The following FGF12 variants were observed in gnomAD, a reference collection of about 807,000 sequenced individuals.
FGF12 encodes the protein fibroblast growth factor 12B.
A neutral mutation model predicts 23.6 loss-of-function variants in FGF12; 14 were observed. That is an observed-to-expected ratio of 0.59 (90% confidence interval 0.39 to 0.93). FGF12 has a LOEUF of 0.93. FGF12 is among the 40% of genes least tolerant of loss of function. The probability of loss-of-function intolerance (pLI) is 0.00; values close to 1 mark genes in which losing one functional copy is unlikely to be tolerated. For synonymous variants in FGF12, 62 were observed against 77.3 expected, an observed-to-expected ratio of 0.80 and a Z score of 1.04; for missense variants, 175 against 217.8, an observed-to-expected ratio of 0.80 and a Z score of 1.24.
chr3:192,620,679 T>A (rs1315876734), intron 2 of FGF12, among the ~76,000 whole-genome samples: 1 of 152,162 alleles, frequency 6.6e-6, no homozygotes, highest in Non-Finnish European at 1.5e-5. Flanking sequence ...CTTTATGAGG[T>A]CTATTTGGTT....
intron 2 of FGF12, among the ~76,000 whole-genome samples, chr3:192,403,856 T>C (rs1224694609): frequency 1.3e-5 from 2 of 152,166 alleles, no homozygotes; most frequent in African/African-American, 4.8e-5. Context: ...ATACGTTTTA[T>C]AATAAAAATG....
intron 4 of FGF12, among the ~76,000 whole-genome samples, chr3:192,215,111 G>A (rs1718125758): frequency 6.6e-6 from 1 of 152,176 alleles, no homozygotes; most frequent in South Asian, 2.1e-4. Context: ...ACTCTCTACA[G>A]GAGTGAATGG....
chr3:192,557,762 A>G (rs1361396463), intron 2 of FGF12, among the ~76,000 whole-genome samples: 2 of 151,908 alleles, frequency 1.3e-5, no homozygotes, highest in Admixed American at 1.3e-4. Flanking sequence ...ATGATAGTTC[A>G]ACTTACAAAA....
intron 4 of FGF12, among the ~76,000 whole-genome samples, chr3:192,281,890 T>C (rs1407178346): frequency 6.6e-6 from 1 of 152,156 alleles, no homozygotes; most frequent in Non-Finnish European, 1.5e-5. Context: ...ATACTGCAGA[T>C]GCTAGTATGA....
At chr3:192,150,789 G>A (rs1469044730) in intron 5 of FGF12, among the ~76,000 whole-genome samples, 4 of 143,922 alleles carry the variant, frequency 2.8e-5, no homozygotes, top group Non-Finnish European at 6.1e-5. Flanking sequence ...GGATTGACTT[G>A]GCAATGCGGG....
chr3:192,647,717 A>G (rs1207304696), intron 2 of FGF12, among the ~76,000 whole-genome samples: 3 of 145,576 alleles, frequency 2.1e-5, no homozygotes, highest in Non-Finnish European at 4.5e-5. Context: ...ATATACATAT[A>G]TATATACACA....
intron 5 of FGF12, among the ~76,000 whole-genome samples, chr3:192,169,157 A>G (rs751191858): frequency 3.9e-5 from 6 of 152,138 alleles, no homozygotes; most frequent in Non-Finnish European, 7.3e-5. Flanking sequence ...CCTGGCCAAC[A>G]TGGCGAAATC....
chr3:192,438,817 C>T (rs1560111205), intron 2 of FGF12, among the ~76,000 whole-genome samples: 1 of 152,210 alleles, frequency 6.6e-6, no homozygotes, highest in Admixed American at 6.5e-5. Context: ...GCCTCTTAGT[C>T]TCTCAGGCTC....
chr3:192,709,774 A>T (rs1191511924), intron 2 of FGF12, among the ~76,000 whole-genome samples: 2 of 152,174 alleles, frequency 1.3e-5, no homozygotes, highest in Admixed American at 6.5e-5. Flanking sequence ...TTGAAGACCG[A>T]CTTAATCACT....
chr3:192,675,204 C>T (rs543535235), intron 2 of FGF12, among the ~76,000 whole-genome samples: 15 of 152,060 alleles, frequency 9.9e-5, no homozygotes, highest in East Asian at 3.9e-4. Flanking sequence ...CAGTACACTG[C>T]GGCAACAGGG....
chr3:192,507,480 G>C (rs962122659), intron 2 of FGF12, among the ~76,000 whole-genome samples: 1 of 151,950 alleles, frequency 6.6e-6, no homozygotes, highest in Admixed American at 6.6e-5. Flanking sequence ...CTTCACCTGG[G>C]GAAGTCTCGG....
chr3:192,509,808 G>GAT (rs1317051591), intron 2 of FGF12, among the ~76,000 whole-genome samples: 2 of 152,170 alleles, frequency 1.3e-5, no homozygotes, highest in East Asian at 1.9e-4. Flanking sequence ...TACTACACAT[G>GAT]ATATCACAGA....
intron 4 of FGF12, among the ~76,000 whole-genome samples, chr3:192,280,501 T>C (rs1714080302): frequency 1.3e-5 from 2 of 152,180 alleles, no homozygotes; most frequent in South Asian, 4.1e-4. Context: ...ATAGTTGTAT[T>C]ACTAGTGCCT....
intron 4 of FGF12, among the ~76,000 whole-genome samples, chr3:192,173,404 G>A (rs1298818391): frequency 6.6e-6 from 1 of 150,588 alleles, no homozygotes; most frequent in African/African-American, 2.4e-5. Flanking sequence ...TAACCCATGT[G>A]AAGGAAAACT....
At chr3:192,355,148 A>C (rs926573553) in intron 3 of FGF12, among the ~76,000 whole-genome samples, 28 of 152,246 alleles carry the variant, frequency 1.8e-4, no homozygotes, top group African/African-American at 6.8e-4. Context: ...CAGCAATTCT[A>C]CTTCTAGGTA....
intron 2 of FGF12, among the ~76,000 whole-genome samples, chr3:192,661,670 T>A (rs1716677450): frequency 6.6e-6 from 1 of 152,138 alleles, no homozygotes; most frequent in Non-Finnish European, 1.5e-5. Flanking sequence ...AAATCTTAAG[T>A]AGTGGAATAG....
chr3:192,142,076 G>C lies in FGF12; in HGVS notation c.*1933C>G. ...AAGTCCATTTTTAGAAAATTTAAAT[G>C]TCTTTATTTGTTACTTTCCAAATAT... On this transcript the variant is annotated 3_prime_UTR_variant, in exon 6 of 6. Transcript: ENST00000445105. 6.6e-6 allele frequency: 1 copy of C among 152,318 alleles called. No homozygotes were observed. Among genetic ancestry groups the C allele is most frequent in the Admixed American group, 6.6e-5 (1 of 15,236 alleles). The allele number at this position is 152,318 out of a possible 1,614,324, so 9.4% of individuals were successfully genotyped here. A position where few individuals can be genotyped will look rare whatever the true frequency, so the allele number is the denominator to read the frequency against.
chr3:192,210,043 C>T lies in FGF12; in HGVS notation c.229-39387G>A, dbSNP rs1389644426. 2.0e-5 allele frequency among the ~76,000 whole-genome samples: 3 copies of T among 152,156 alleles called. No individual in the cohort carries two copies. In the East Asian group the frequency reaches 5.8e-4, roughly 29 times the overall value. ...GTAACAGTGACTAGATTTAACTTCC[C>T]ACTTTAAACAACCAAAAATTATACC... On this transcript the variant is annotated intron_variant, in intron 4 of 5. Coordinates refer to ENST00000445105, the MANE Select transcript of FGF12 (RefSeq NM_004113.6).
chr3:192,597,759 A>G (rs1010880428), intron 2 of FGF12, among the ~76,000 whole-genome samples: 1 of 152,246 alleles, frequency 6.6e-6, no homozygotes, highest in Non-Finnish European at 1.5e-5. Flanking sequence ...TACGTGGATG[A>G]CAAAGCAGAA....
Sources: gnomAD v4.1 joint callset for allele counts (sites outside exome capture counted in the v4.1 genomes callset) on GRCh38, gnomAD v4.1.1 for gene constraint, MANE v1.5 for transcripts, NCBI Gene and HGNC (gene_info 2026-07-23, HGNC 2026-07-21) for gene names.